Variants in PGF observed in about 807,000 individuals in gnomAD.
The protein encoded by PGF is placental growth factor, also known as placenta growth factor.
In PGF, 11 loss-of-function variants were observed where a neutral mutation model predicts 25.3. The ratio of observed to expected loss-of-function variants is 0.43; its 90% CI spans 0.27 to 0.72. The LOEUF (loss-of-function observed/expected upper bound fraction) is 0.72. Ranked by LOEUF, PGF falls within the 30% of genes least tolerant of loss-of-function variation. The pLI is 0.18. For missense variants in PGF, 230 were observed against 234.9 expected (o/e 0.98, Z 0.14); for synonymous variants, 105 against 97.9 (o/e 1.07, Z -0.43).
rs763531327 is a variant in PGF, at chr14:74,953,917, C to T, written c.105G>A (p.Ser35=). The T allele has an allele frequency of 9.9e-6, 16 of 1,613,516 alleles. No homozygotes were observed. The highest frequency in any genetic ancestry group is 5.5e-5 in the South Asian group (5 of 91,068). ...QQWALSAGNG[S]SEVEVVPFQE... is the part of the protein sequence containing the mutation. ...TGGCCAGCTTACCTTCCACCTCTGA[C>T]GAGCCGTTCCCAGCAGACAAGGCCC... is the stretch of plus-strand genomic sequence containing the variant. The change falls in exon 2 of 7, where the codon TCG becomes TCA. Residue 35 remains serine (S), a synonymous_variant. Transcript: ENST00000555567. The surrounding 1 kb of genome is among the most constrained non-coding windows in gnomAD (Gnocchi z 5.4).
Position 74,955,211 on chromosome 14 carries a change from A to G in PGF, c.32T>C (p.Leu11Pro). 6.7e-7 allele frequency: 1 copy of G among 1,489,568 alleles called. No individual in the cohort carries two copies. The highest frequency in any genetic ancestry group is 2.2e-5 in the Admixed American group (1 of 45,656). 92.3% of individuals were successfully genotyped at this position (1,489,568 alleles called of 1,614,324 possible). The change falls in exon 1 of 7, where the codon CTG (leucine) becomes CCG (proline). Residue 11 changes from leucine (L) to proline (P), a missense_variant. Coordinates refer to ENST00000555567, the MANE Select transcript of PGF (RefSeq NM_002632.6). The surrounding 1 kb of genome is among the most constrained non-coding windows in gnomAD (Gnocchi z 4.1). The part of the protein sequence containing the change: MPVMRLFPCF[L>P]QLLAGLALPA... ...CAGCGCCAGCCCGGCCAGGAGCTGCAGGAAGCAAGGGAACAGCCTCATGAC... is the reference window on the plus strand; with the variant it reads ...CAGCGCCAGCCCGGCCAGGAGCTGCGGGAAGCAAGGGAACAGCCTCATGAC...
rs562369555 is a variant in PGF at position 74,953,125 on chromosome 14, C to T, written c.118+779G>A. 4.6e-5 allele frequency among the ~76,000 whole-genome samples: 7 copies of T among 152,318 alleles called. 1 individual carries two copies. The South Asian group carries it at 1.2e-3, about 27-fold the overall frequency. ...AGAGTATGGCCAGGCCCGGGAGAGG[C>T]GGGCTGCCAGGCAGGCAGCCCAGCA... On this transcript the variant is annotated intron_variant, in intron 2 of 6. Transcript: ENST00000555567. The surrounding 1 kb of genome is among the most constrained non-coding windows in gnomAD (Gnocchi z 5.4).
In PGF at chr14:74,955,321, G is replaced by C; in HGVS notation, c.-79C>G. ...CCCCGGGGAGCCCCTGGCACAGGAG[G>C]AGAAGAGCTGAGTGGGGGGCTGGAC... On this transcript the variant is annotated 5_prime_UTR_variant, in exon 1 of 7. Coordinates refer to ENST00000555567, the MANE Select transcript of PGF (RefSeq NM_002632.6). This position sits in a 1 kb window ranked among gnomAD's most constrained non-coding sequence, Gnocchi z 4.1. The C allele has an allele frequency of 1.2e-6, 1 of 809,160 alleles. No homozygotes were observed. Among genetic ancestry groups the C allele is most frequent in the Admixed American group, 3.7e-5 (1 of 26,782 alleles). The allele number at this position is 809,160 out of a possible 1,614,324, so 50.1% of individuals were successfully genotyped here.
chr14:74,954,231 C>T (rs1888933855), intron 1 of PGF: 1 of 462,894 alleles, frequency 2.2e-6, no homozygotes, highest in East Asian at 3.8e-5. Context: ...ATCTTCCAAT[C>T]CTGCGGGTCT....
In PGF at chr14:74,950,642, C is replaced by T. The variant is rs1191522407; in HGVS notation, c.119-1089G>A. On this transcript the variant is annotated intron_variant, in intron 2 of 6. Coordinates refer to ENST00000555567, the MANE Select transcript of PGF (RefSeq NM_002632.6). This position sits in a 1 kb window ranked among gnomAD's most constrained non-coding sequence, Gnocchi z 4.1. The stretch of plus-strand genomic sequence containing the variant: ...CCTGGCTTCCAGTCCTGGCCCTACA[C>T]TGGCTATGTGACCTTGGGGAGATCA... Among the ~76,000 whole-genome samples, 2 of 152,200 alleles carry T rather than the reference C, an allele frequency of 1.3e-5. No individual in the cohort carries two copies. Among genetic ancestry groups the T allele is most frequent in the Non-Finnish European group, 2.9e-5 (2 of 68,028 alleles).
intron 5 of PGF, 45 bp downstream of exon 5, chr14:74,946,334 C>A: frequency 1.2e-6 from 2 of 1,614,054 alleles, no homozygotes; most frequent in African/African-American, 1.3e-5. Context: ...AGGACAGAGG[C>A]TGGCAGGCCC....
At position 74,953,658 on chromosome 14, in the gene PGF, C is replaced by T. The variant is rs576177277; in HGVS notation, c.118+246G>A. 2.0e-5 allele frequency among the ~76,000 whole-genome samples: 3 copies of T among 152,270 alleles called. No homozygotes were observed. Among genetic ancestry groups the T allele is most frequent in the Admixed American group, 6.5e-5 (1 of 15,298 alleles). ...AAGGGCTCTGAGCCAGCTGGATGAA[C>T]CCTGGCTATACTGGCCCCAGCCCCA... On this transcript the variant is annotated intron_variant, in intron 2 of 6. Coordinates refer to ENST00000555567, the MANE Select transcript of PGF (RefSeq NM_002632.6). The surrounding 1 kb of genome is among the most constrained non-coding windows in gnomAD (Gnocchi z 5.4).
rs773051604 is a variant in PGF, at chr14:74,953,863, G to T, written c.118+41C>A. On this transcript the variant is annotated intron_variant, in intron 2 of 6. Transcript: ENST00000555567. The surrounding 1 kb of genome is among the most constrained non-coding windows in gnomAD (Gnocchi z 5.4). ...CTGGGCTTGGGAGAAAGGAAGAGAG[G>T]GGCTTGGGGAGCATGCGTACCCCCA... is the stretch of plus-strand genomic sequence containing the variant. 6.2e-7 allele frequency: 1 copy of T among 1,602,470 alleles called. No homozygotes were observed. Among genetic ancestry groups the T allele is most frequent in the East Asian group, 2.2e-5 (1 of 44,824 alleles).
intron 4 of PGF, 66 bp from the exon 5 acceptor site, chr14:74,946,474 G>A (rs560952665): frequency 1.7e-5 from 25 of 1,483,774 alleles, no homozygotes; most frequent in South Asian, 6.3e-5. Flanking sequence ...GCTCCCTGCC[G>A]CCCGGACAGG....
intron 1 of PGF, among the ~76,000 whole-genome samples, chr14:74,954,963 C>T (rs1458171956): frequency 6.6e-6 from 1 of 151,842 alleles, no homozygotes; most frequent in Non-Finnish European, 1.5e-5. Context: ...TTCCCTGCCC[C>T]CACCAAGACA....
At chr14:74,952,850 A>G (rs185433552) in intron 2 of PGF, among the ~76,000 whole-genome samples, 173 of 152,344 alleles carry the variant, frequency 1.1e-3, no homozygotes, top group Middle Eastern at 3.4e-3. Context: ...CATAGACATC[A>G]TGTAGCCAAG....
At chr14:74,947,137 C>T (rs1439166724) in intron 4 of PGF, 2 of 464,648 alleles carry the variant, frequency 4.3e-6, no homozygotes, top group East Asian at 3.2e-5. Context: ...ACCAGGGCCT[C>T]TTGGGACTGT....
chr14:74,941,833 G>A (rs780914168), downstream of PGF: 4 of 152,624 alleles, frequency 2.6e-5, no homozygotes, highest in Admixed American at 6.5e-5. Context: ...CTAGATCAGC[G>A]TTTCCACACT....
intron 6 of PGF, among the ~76,000 whole-genome samples, chr14:74,944,067 G>A (rs1459911851): frequency 6.7e-6 from 1 of 149,462 alleles, no homozygotes; most frequent in African/African-American, 2.5e-5. Context: ...AATTATGAAA[G>A]GAAGTGTTCC....
At chr14:74,947,188 T>G in intron 4 of PGF, 2 of 383,022 alleles carry the variant, frequency 5.2e-6, no homozygotes, top group Non-Finnish European at 9.3e-6. Flanking sequence ...ACAGACACTC[T>G]TGGAACCTCA....
intron 6 of PGF, among the ~76,000 whole-genome samples, chr14:74,942,970 A>C (rs1566855141): frequency 6.6e-6 from 1 of 152,132 alleles, no homozygotes; most frequent in Non-Finnish European, 1.5e-5. Flanking sequence ...AACCCTCAAC[A>C]ACCTTCCATG....
Position 74,955,245 on chromosome 14 carries a change from T to A in PGF, c.-3A>T. ...GGGAACAGCCTCATGACCGGCATCT[T>A]CTCAGACGTCCCGAGCCAGGGGGCT... On this transcript the variant is annotated 5_prime_UTR_variant, in exon 1 of 7. Transcript: ENST00000555567. The surrounding 1 kb of genome is among the most constrained non-coding windows in gnomAD (Gnocchi z 4.1). 1 of 1,455,770 alleles carries A rather than the reference T, an allele frequency of 6.9e-7. No homozygotes were observed. The highest frequency in any genetic ancestry group is 9.1e-7 in the Non-Finnish European group (1 of 1,093,140). The allele number at this position is 1,455,770 out of a possible 1,614,324, so 90.2% of individuals were successfully genotyped here. A position where few individuals can be genotyped will look rare whatever the true frequency, so the allele number is the denominator to read the frequency against.
intron 4 of PGF, chr14:74,946,836 A>G (rs1888749955): frequency 2.7e-6 from 2 of 754,428 alleles, no homozygotes; most frequent in Non-Finnish European, 4.8e-6. Context: ...GTCAGGGCAC[A>G]GCCCCACTCC....
At position 74,955,251 on chromosome 14, in the gene PGF, AC is replaced by A. The variant is rs1031100615; in HGVS notation, c.-10del. On this transcript the variant is annotated 5_prime_UTR_variant, in exon 1 of 7. An upstream open reading frame in the 5' UTR loses its in-frame stop. Transcript: ENST00000555567. This position sits in a 1 kb window ranked among gnomAD's most constrained non-coding sequence, Gnocchi z 4.1. ...AGCCTCATGACCGGCATCTTCTCAGACGTCCCGAGCCAGGGGGCTCCGAGGG... is the reference window on the plus strand; with the variant it reads ...AGCCTCATGACCGGCATCTTCTCAGAGTCCCGAGCCAGGGGGCTCCGAGGG... 6.9e-7 allele frequency: 1 copy of A among 1,450,820 alleles called. No homozygotes were observed. The highest frequency in any genetic ancestry group is 1.5e-5 in the African/African-American group (1 of 68,798). 89.9% of individuals were successfully genotyped at this position (1,450,820 alleles called of 1,614,324 possible).
Sources: gnomAD v4.1 joint callset for allele counts (sites outside exome capture counted in the v4.1 genomes callset) on GRCh38, gnomAD v4.1.1 for gene constraint, Gnocchi (gnomAD v3.1) non-coding constraint, MANE v1.5 for transcripts, NCBI Gene and HGNC (gene_info 2026-07-23, HGNC 2026-07-21) for gene names.